DNA2: variants seen among roughly 807,000 people sequenced by gnomAD.
DNA2 encodes the protein DNA replication ATP-dependent helicase/nuclease DNA2.
In DNA2, 101 loss-of-function variants were observed where a neutral mutation model predicts 119.1. That is an observed-to-expected ratio of 0.85 (90% CI 0.72 to 1.00). The LOEUF is 1.00. Ranked by LOEUF, DNA2 falls within the 50% of genes least tolerant of loss-of-function variation. The pLI is 0.00. For synonymous variants in DNA2, 366 were observed against 424.4 expected (o/e 0.86, Z 1.69); for missense variants, 1,121 against 1,255.5 (o/e 0.89, Z 1.62).
At chr10:68,434,931 A>C (rs1426791915) in intron 10 of DNA2, among the ~76,000 whole-genome samples, 1 of 152,248 alleles carries the variant, frequency 6.6e-6, no homozygotes, top group Non-Finnish European at 1.5e-5. Flanking sequence ...TCTATCCATT[A>C]AGAAATGGTC....
chr10:68,462,812 G>A (rs1393138738), intron 4 of DNA2, among the ~76,000 whole-genome samples: 1 of 152,148 alleles, frequency 6.6e-6, no homozygotes, highest in Admixed American at 6.5e-5. Context: ...TGTATGTAAA[G>A]CACTTAGCTG....
At chr10:68,430,131 C>A (rs1262061932) in intron 14 of DNA2, among the ~76,000 whole-genome samples, 1 of 151,950 alleles carries the variant, frequency 6.6e-6, no homozygotes, top group Non-Finnish European at 1.5e-5. Context: ...ATGATCCACC[C>A]ACCTCAGCCT....
intron 8 of DNA2, among the ~76,000 whole-genome samples, chr10:68,443,557 C>T (rs1437634764): frequency 1.3e-5 from 2 of 152,202 alleles, no homozygotes; most frequent in African/African-American, 4.8e-5. Context: ...ATACCAAACA[C>T]TGACGATAAA....
At chr10:68,438,008 G>A (rs751715942) in intron 9 of DNA2, among the ~76,000 whole-genome samples, 6 of 152,042 alleles carry the variant, frequency 3.9e-5, no homozygotes, top group Non-Finnish European at 7.4e-5. Context: ...CACCATGCTC[G>A]GCCCTCTACT....
intron 5 of DNA2, among the ~76,000 whole-genome samples, chr10:68,454,512 A>T (rs1442084352): frequency 6.6e-6 from 1 of 152,182 alleles, no homozygotes; most frequent in Non-Finnish European, 1.5e-5. Context: ...ACCGTAATTT[A>T]AAATGTCAAG....
chr10:68,457,148 AT>A (rs2052196058), intron 5 of DNA2, among the ~76,000 whole-genome samples: 1 of 151,820 alleles, frequency 6.6e-6, no homozygotes, highest in Non-Finnish European at 1.5e-5. Flanking sequence ...AAAAAAAAAA[AT>A]GGAAATCAGA....
At chr10:68,457,678 T>C (rs911710055) in intron 5 of DNA2, among the ~76,000 whole-genome samples, 6 of 145,872 alleles carry the variant, frequency 4.1e-5, no homozygotes, top group African/African-American at 1.5e-4. Flanking sequence ...AAATATTTGC[T>C]AAATGAATAA....
intron 14 of DNA2, chr10:68,424,810 A>T: frequency 9.3e-7 from 1 of 1,072,344 alleles, no homozygotes; most frequent in Admixed American, 1.7e-5. Flanking sequence ...TACACTGAGC[A>T]GGTGCAGCGT....
At chr10:68,462,417 T>A (rs2052272018) in intron 4 of DNA2, among the ~76,000 whole-genome samples, 1 of 152,200 alleles carries the variant, frequency 6.6e-6, no homozygotes, top group Non-Finnish European at 1.5e-5. Flanking sequence ...TCAAATGAAT[T>A]AATAAACATG....
At chr10:68,472,061 G>A, upstream of DNA2, 3 of 1,594,332 alleles carry the variant, frequency 1.9e-6, no homozygotes, top group Non-Finnish European at 2.6e-6. Context: ...CACCTGAGCA[G>A]CAGGGCTCTG....
In DNA2 at chr10:68,425,088, C is replaced by CTT. The variant is rs60065153; in HGVS notation, c.2209-2200_2209-2199dup. ...TTTTCAGAATGTCTCTGGAACATTT[C>CTT]TTTTTTTTTTTTTTTTTTTTTTTTG... On this transcript the variant is annotated intron_variant, in intron 14 of 20. Coordinates refer to ENST00000358410, the MANE Select transcript of DNA2 (RefSeq NM_001080449.3). 4.5e-3 allele frequency: 589 copies of CTT among 131,166 alleles called. 2 individuals are homozygous for CTT. The highest frequency in any genetic ancestry group is 7.4e-3 in the African/African-American group (133 of 17,980). The allele number at this position is 131,166 out of a possible 1,614,324, so 8.1% of individuals were successfully genotyped here.
At chr10:68,417,412 A>AG (rs1554902603) in intron 19 of DNA2, among the ~76,000 whole-genome samples, 1 of 145,848 alleles carries the variant, frequency 6.9e-6, no homozygotes, top group African/African-American at 2.5e-5. Context: ...AAAAAAAAAA[A>AG]CACTATTTGG....
At chr10:68,467,418 GT>G (rs35789808) in intron 3 of DNA2, among the ~76,000 whole-genome samples, 7 of 148,758 alleles carry the variant, frequency 4.7e-5, no homozygotes, top group South Asian at 2.1e-4. Flanking sequence ...CCCAAAATAC[GT>G]TTTTTTTTTG....
chr10:68,416,777 A>G lies in DNA2; in HGVS notation c.3046T>C (p.Cys1016Arg). The G allele has an allele frequency of 1.2e-6, 2 of 1,613,906 alleles. No homozygotes were observed. Among genetic ancestry groups the G allele is most frequent in the Middle Eastern group, 1.7e-4 (1 of 6,060 alleles). Residue 1016 changes from cysteine (C) to arginine (R), a missense_variant, in exon 20 of 21, where the codon TGT becomes CGT. Transcript: ENST00000358410. Reference protein sequence around the residue: ...RAKHKLILLGCVPSLNCYPPL... With the variant: ...RAKHKLILLGRVPSLNCYPPL... ...GGATAGCAATTTAGTGAGGGCACAC[A>G]CCCCAGAAGAATCAGTTTATGTTTG... is the stretch of plus-strand genomic sequence containing the variant.
intron 17 of DNA2, 61 bp downstream of exon 17, chr10:68,422,164 A>G: frequency 7.4e-7 from 1 of 1,352,278 alleles, no homozygotes; most frequent in Middle Eastern, 2.0e-4. Context: ...GCTAATGAAA[A>G]CTGAGAAATT....
At chr10:68,466,249 A>G (rs1259638691) in intron 3 of DNA2, among the ~76,000 whole-genome samples, 1 of 152,120 alleles carries the variant, frequency 6.6e-6, no homozygotes, top group Non-Finnish European at 1.5e-5. Context: ...GCTGATATGA[A>G]TTACTTTTAA....
At chr10:68,463,413 C>CAG (rs1325857769) in intron 4 of DNA2, among the ~76,000 whole-genome samples, 1 of 138,308 alleles carries the variant, frequency 7.2e-6, no homozygotes, top group African/African-American at 2.7e-5. Context: ...CACTGCACTC[C>CAG]AGCCTGGGGG....
chr10:68,448,968 CGTGT>C (rs59756256), intron 6 of DNA2, among the ~76,000 whole-genome samples: 1 of 109,610 alleles, frequency 9.1e-6, no homozygotes, highest in Non-Finnish European at 1.8e-5. Flanking sequence ...TGTGTGTGTG[CGTGT>C]GTGTGTGTGT....
intron 20 of DNA2, among the ~76,000 whole-genome samples, chr10:68,415,568 G>A (rs1358492216): frequency 2.6e-5 from 4 of 151,996 alleles, no homozygotes; most frequent in Admixed American, 1.3e-4. Context: ...GAGCCACCAC[G>A]CCCAGCCTCA....
Sources: gnomAD v4.1 joint callset for allele counts (sites outside exome capture counted in the v4.1 genomes callset) on GRCh38, gnomAD v4.1.1 for gene constraint, MANE v1.5 for transcripts, NCBI Gene and HGNC (gene_info 2026-07-23, HGNC 2026-07-21) for gene names.